CNTN2: variants seen among roughly 807,000 people sequenced by gnomAD.
CNTN2 encodes the protein contactin 2, also known as contactin-2.
In CNTN2, 53 loss-of-function variants were observed where a neutral mutation model predicts 117.5. The observed-to-expected ratio is 0.45, with a 90% CI of 0.36 to 0.57. The LOEUF (loss-of-function observed/expected upper bound fraction) is 0.57. Among genes scored for constraint, CNTN2 ranks in the 20% least tolerant of loss-of-function variants. The pLI, the probability that CNTN2 is intolerant of heterozygous loss-of-function variation, is 0.00. For missense variants in CNTN2, 1,106 were observed against 1,404.3 expected, an observed-to-expected ratio of 0.79 and a Z score of 3.39; for synonymous variants, 530 against 561.7, an observed-to-expected ratio of 0.94 and a Z score of 0.80.
At position 205,061,855 on chromosome 1, in the gene CNTN2, G is replaced by C; in HGVS notation, c.974-10G>C. On this transcript the variant is annotated splice_polypyrimidine_tract_variant and intron_variant, in intron 8 of 22. Transcript: ENST00000331830. This position sits in a 1 kb window ranked among gnomAD's most constrained non-coding sequence, Gnocchi z 4.8. ...GCTCATGCCAGGTTTTCTTTTCCGG[G>C]CTCCCACAGCTCAGCCTGAGTGGCT... The C allele has an allele frequency of 6.7e-7, 1 of 1,503,300 alleles. No homozygotes were observed. Among genetic ancestry groups the C allele is most frequent in the Non-Finnish European group, 8.9e-7 (1 of 1,125,654 alleles). 93.1% of individuals were successfully genotyped at this position (1,503,300 alleles called of 1,614,324 possible). A position where few individuals can be genotyped will look rare whatever the true frequency, so the allele number is the denominator to read the frequency against.
intron 16 of CNTN2, chr1:205,068,678 C>T (rs1458102105): frequency 6.6e-6 from 1 of 152,206 alleles, no homozygotes; most frequent in African/African-American, 2.4e-5. Flanking sequence ...ATTAACTGCT[C>T]TGGGCCTCAG....
chr1:205,053,046 A>G (rs1270126277), intron 1 of CNTN2, 54 bp from the exon 2 acceptor site: 9 of 534,718 alleles, frequency 1.7e-5, no homozygotes, highest in African/African-American at 7.8e-5. Context: ...ATGTGCCTGG[A>G]GCTGGGAGGG....
In CNTN2 at chr1:205,053,162, C is replaced by T; in HGVS notation, c.-24C>T. 2 of 1,605,864 alleles carry T rather than the reference C, an allele frequency of 1.2e-6. No individual in the cohort carries two copies. The highest frequency in any genetic ancestry group is 1.7e-6 in the Non-Finnish European group (2 of 1,175,222). ...GAGCTGAGGCTCTTCTCCTCCGATC[C>T]CCACCTCTGCCCGGACATCCACCAT... is the stretch of plus-strand genomic sequence containing the variant. On this transcript the variant is annotated 5_prime_UTR_variant, in exon 2 of 23. Transcript: ENST00000331830.
In CNTN2 at chr1:205,058,084, G is replaced by A; in HGVS notation, c.215+19G>A. ...CCTATCGGTAAGGCCTCTGCAGTGG[G>A]TGCTGGGAGGCCCTGGGCAGCCGTT... On this transcript the variant is annotated intron_variant, in intron 3 of 22. Transcript: ENST00000331830. The surrounding 1 kb of genome is among the most constrained non-coding windows in gnomAD (Gnocchi z 4.3). 6.2e-7 allele frequency: 1 copy of A among 1,611,256 alleles called. No homozygotes were observed. Among genetic ancestry groups the A allele is most frequent in the South Asian group, 1.1e-5 (1 of 90,746 alleles).
At chr1:205,071,915 T>C (rs1173156898) in intron 19 of CNTN2, 32 bp from the exon 20 acceptor site, 1 of 1,587,618 alleles carries the variant, frequency 6.3e-7, no homozygotes, top group South Asian at 1.2e-5. Context: ...TGGGCTTGAC[T>C]ACTACCCCTT....
Position 205,062,039 on chromosome 1 carries a change from G to T in CNTN2, c.1110+38G>T, listed in dbSNP as rs755860910. On this transcript the variant is annotated intron_variant, in intron 9 of 22. Transcript: ENST00000331830. The stretch of plus-strand genomic sequence containing the variant: ...GGGCTTCCCCCGACACATCACAACT[G>T]TCCTCTGCTCACTTGGTTCCCTCCC... 2.1e-5 allele frequency: 34 copies of T among 1,604,774 alleles called. No individual in the cohort carries two copies. In the South Asian group the frequency reaches 3.8e-4, roughly 18 times the overall value.
Position 205,065,215 on chromosome 1 carries a change from C to G in CNTN2, c.1648C>G (p.Pro550Ala). Residue 550 changes from proline (P) to alanine (A), a missense_variant, in exon 13 of 23, where the codon CCC becomes GCC. Coordinates refer to ENST00000331830, the MANE Select transcript of CNTN2 (RefSeq NM_005076.5). This position sits in a 1 kb window ranked among gnomAD's most constrained non-coding sequence, Gnocchi z 4.1. ...LTFTWTLDDF[P>A]IDFDKPGGHY... Reference sequence around the variant, plus strand: ...CTTCACCTGGACCCTGGACGACTTCCCCATCGACTTTGATAAGCCTGGAGG... The same window carrying G: ...CTTCACCTGGACCCTGGACGACTTCGCCATCGACTTTGATAAGCCTGGAGG... The G allele has an allele frequency of 6.2e-7, 1 of 1,614,186 alleles. No individual in the cohort carries two copies. Among genetic ancestry groups the G allele is most frequent in the African/African-American group, 1.3e-5 (1 of 75,060 alleles).
rs1173989105 is a variant in CNTN2, at chr1:205,064,374, C to T, written c.1293C>T (p.Ala431=). The T allele has an allele frequency of 3.7e-6, 6 of 1,608,164 alleles. No homozygotes were observed. Among genetic ancestry groups the T allele is most frequent in the Non-Finnish European group, 5.1e-6 (6 of 1,175,292 alleles). ...CCGTGAGGCGTCTGATCCCCGCGGC[C>T]CGCGGGGGAGAGATCCTTATCCCCT... ...LNPVRRLIPA[A]RGGEILIPCQ... Residue 431 remains alanine (A), a synonymous_variant, in exon 11 of 23, where the codon GCC becomes GCT. Coordinates refer to ENST00000331830, the MANE Select transcript of CNTN2 (RefSeq NM_005076.5).
In CNTN2 at chr1:205,076,498, T is replaced by A. The variant is rs1239014287; in HGVS notation, c.*2733T>A. 3 of 152,174 alleles carry A rather than the reference T, an allele frequency of 2.0e-5. No homozygotes were observed. Among genetic ancestry groups the A allele is most frequent in the Admixed American group, 2.0e-4 (3 of 15,284 alleles). 9.4% of individuals were successfully genotyped at this position (152,174 alleles called of 1,614,324 possible). A position where few individuals can be genotyped will look rare whatever the true frequency, so the allele number is the denominator to read the frequency against. On this transcript the variant is annotated 3_prime_UTR_variant, in exon 23 of 23. Coordinates refer to ENST00000331830, the MANE Select transcript of CNTN2 (RefSeq NM_005076.5). Reference sequence around the variant, plus strand: ...GAGAGTGTGCTTATTTTCACTGCGATCATGAGACCACAGTTCTGGGTTATC... The same window carrying A: ...GAGAGTGTGCTTATTTTCACTGCGAACATGAGACCACAGTTCTGGGTTATC...
chr1:205,070,185 G>C (rs1400477003), intron 18 of CNTN2, 124 bp downstream of exon 18: 1 of 946,380 alleles, frequency 1.1e-6, no homozygotes, highest in Non-Finnish European at 1.6e-6. Flanking sequence ...AGGACACCTG[G>C]GTTCCACATC....
Position 205,073,140 on chromosome 1 carries a change from G to A in CNTN2, c.2917G>A (p.Val973Met). The A allele has an allele frequency of 6.2e-7, 1 of 1,614,152 alleles. No individual in the cohort carries two copies. Among genetic ancestry groups the A allele is most frequent in the African/African-American group, 1.3e-5 (1 of 75,022 alleles). Residue 973 changes from valine to methionine, a missense_variant, in exon 22 of 23, where the codon GTG becomes ATG. Val to Met is a conservative substitution (Grantham distance 21). Transcript: ENST00000331830. This position sits in a 1 kb window ranked among gnomAD's most constrained non-coding sequence, Gnocchi z 6.3. ...LTGKNWIEIP[V>M]PEDIGHALVQ... is the part of the protein sequence containing the mutation. The stretch of plus-strand genomic sequence containing the variant: ...CGGCAAGAACTGGATAGAAATCCCA[G>A]TGCCTGAAGACATTGGCCATGCCCT...
At chr1:205,071,888 G>C (rs1654610443) in intron 19 of CNTN2, 59 bp from the exon 20 acceptor site, 1 of 1,513,414 alleles carries the variant, frequency 6.6e-7, no homozygotes, top group African/African-American at 1.4e-5. Flanking sequence ...GTGGGGGCCG[G>C]GGCAGCCCTG....
chr1:205,062,188 G>C (rs1457688523), intron 9 of CNTN2, 187 bp downstream of exon 9: 5 of 867,914 alleles, frequency 5.8e-6, no homozygotes, highest in Non-Finnish European at 8.5e-6. Context: ...GCTAGGCCTG[G>C]ATCCAGGCAC....
rs1282357773 is a variant in CNTN2, at chr1:205,077,392, G to A, written c.*3627G>A. The A allele has an allele frequency of 6.6e-6, 1 of 152,274 alleles. No homozygotes were observed. Among genetic ancestry groups the A allele is most frequent in the African/African-American group, 2.4e-5 (1 of 41,462 alleles). 9.4% of individuals were successfully genotyped at this position (152,274 alleles called of 1,614,324 possible). A position where few individuals can be genotyped will look rare whatever the true frequency, so the allele number is the denominator to read the frequency against. The stretch of plus-strand genomic sequence containing the variant: ...TCTTTTCTCTGCCTGGTCTCAGAAT[G>A]GGACTGCCAACTGGCTCATTGGTGG... On this transcript the variant is annotated 3_prime_UTR_variant, in exon 23 of 23. Coordinates refer to ENST00000331830, the MANE Select transcript of CNTN2 (RefSeq NM_005076.5).
rs56111335 is a variant in CNTN2 at position 205,073,109 on chromosome 1, C to G, written c.2886C>G (p.His962Gln). ...ACTTACACCTGACTCCCACGCTCCA[C>G]CTCACCGGCAAGAACTGGATAGAAA... is the stretch of plus-strand genomic sequence containing the variant. Reference protein sequence around the residue: ...QNDLHLTPTLHLTGKNWIEIP... With the variant: ...QNDLHLTPTLQLTGKNWIEIP... The change falls in exon 22 of 23, where the codon CAC becomes CAG. Residue 962 changes from histidine (H) to glutamine (Q), a missense_variant. His to Gln is a conservative substitution (Grantham distance 24). Transcript: ENST00000331830. The surrounding 1 kb of genome is among the most constrained non-coding windows in gnomAD (Gnocchi z 6.3). 1.4e-4 allele frequency: 231 copies of G among 1,614,192 alleles called. No homozygotes were observed. Among genetic ancestry groups the G allele is most frequent in the Non-Finnish European group, 1.8e-4 (211 of 1,180,034 alleles).
intron 1 of CNTN2, among the ~76,000 whole-genome samples, chr1:205,044,667 G>A (rs891166110): frequency 6.6e-6 from 1 of 152,208 alleles, no homozygotes; most frequent in African/African-American, 2.4e-5. Flanking sequence ...GGCCAAAGAC[G>A]CCTCAGCTCA....
chr1:205,064,804 C>T (rs1654191859), intron 12 of CNTN2, 54 bp downstream of exon 12: 1 of 1,600,992 alleles, frequency 6.2e-7, no homozygotes, highest in Middle Eastern at 1.7e-4. Flanking sequence ...GGGTACTGTC[C>T]TCCCCATCAT....
In CNTN2 at chr1:205,065,848, C is replaced by T. The variant is rs575768659; in HGVS notation, c.1755C>T (p.Tyr585=). 2.8e-5 allele frequency: 45 copies of T among 1,594,932 alleles called. No homozygotes were observed. The African/African-American group carries it at 5.7e-4, about 20-fold the overall frequency. Residue 585 remains tyrosine (Y), a synonymous_variant, in exon 14 of 23, where the codon TAC becomes TAT. Transcript: ENST00000331830. The surrounding 1 kb of genome is among the most constrained non-coding windows in gnomAD (Gnocchi z 4.1). ...LNAQLRHGGK[Y]TCMAQTVVDS... ...CCCAGCTGCGCCATGGGGGGAAGTA[C>T]ACGTGCATGGCCCAGACGGTGGTGG...
Position 205,059,464 on chromosome 1 carries a change from A to G in CNTN2, c.698-119A>G. 12 of 1,221,950 alleles carry G rather than the reference A, an allele frequency of 9.8e-6. No homozygotes were observed. Among genetic ancestry groups the G allele is most frequent in the Non-Finnish European group, 1.4e-5 (12 of 839,506 alleles). The allele number at this position is 1,221,950 out of a possible 1,614,324, so 75.7% of individuals were successfully genotyped here. On this transcript the variant is annotated intron_variant, in intron 6 of 22. Transcript: ENST00000331830. This position sits in a 1 kb window ranked among gnomAD's most constrained non-coding sequence, Gnocchi z 5.6. ...TCCTGAGGCCCTTGCCCCAGGCCTC[A>G]AGGAGATTCCACACAGCTGCCTAGA... is the stretch of plus-strand genomic sequence containing the variant.
Sources: allele counts gnomAD v4.1 joint callset (sites outside exome capture counted in the v4.1 genomes callset), GRCh38; gene constraint gnomAD v4.1.1; non-coding constraint Gnocchi (gnomAD v3.1); transcripts MANE v1.5; gene names NCBI Gene and HGNC (gene_info 2026-07-23, HGNC 2026-07-21).